The following ADGRL3 variants were observed in gnomAD, a reference collection of about 807,000 sequenced individuals.
The protein encoded by ADGRL3 is adhesion G protein-coupled receptor L3.
A neutral mutation model predicts 153.5 loss-of-function variants in ADGRL3; 62 were observed. That is an observed-to-expected ratio of 0.40 (90% confidence interval 0.33 to 0.50). The LOEUF (loss-of-function observed/expected upper bound fraction) is 0.50. Ranked by LOEUF, ADGRL3 falls within the 20% of genes least tolerant of loss-of-function variation. ADGRL3 has a pLI of 0.47. For synonymous variants in ADGRL3, 710 were observed against 672.5 expected (o/e 1.06, Z -0.86); for missense variants, 1,641 against 1,859.4 (o/e 0.88, Z 2.16).
At chr4:61,402,933 T>A (rs1425107198) in intron 2 of ADGRL3, among the ~76,000 whole-genome samples, 2 of 152,146 alleles carry the variant, frequency 1.3e-5, no homozygotes, top group African/African-American at 4.8e-5. Context: ...AACGGTAGTT[T>A]ATTTTCCTAC....
intron 4 of ADGRL3, among the ~76,000 whole-genome samples, chr4:61,552,236 C>T (rs1258058636): frequency 6.6e-6 from 1 of 152,100 alleles, no homozygotes; most frequent in East Asian, 1.9e-4. Context: ...CAGGCACTGT[C>T]TCAGCATTTA....
chr4:61,518,541 C>G (rs750340128), intron 4 of ADGRL3, among the ~76,000 whole-genome samples: 10 of 152,170 alleles, frequency 6.6e-5, no homozygotes, highest in Non-Finnish European at 8.8e-5. Context: ...ATCATTAATC[C>G]ATTTGAGATT....
chr4:61,946,928 G>T lies in ADGRL3; in HGVS notation c.2434G>T (p.Ala812Ser). 6.2e-7 allele frequency: 1 copy of T among 1,613,632 alleles called. No homozygotes were observed. The stretch of plus-strand genomic sequence containing the variant: ...ATTTACTTTAGGAGAGATCAGAGTG[G>T]CCTTTGTCCTGTATAACAACTTGGG... ...QNGRNGEIRV[A>S]FVLYNNLGPY... is the part of the protein sequence containing the mutation. The change falls in exon 16 of 27, where the codon GCC becomes TCC. Residue 812 changes from alanine to serine, a missense_variant. Ala to Ser is a moderately conservative substitution (Grantham distance 99). Coordinates refer to ENST00000683033, the MANE Select transcript of ADGRL3 (RefSeq NM_001387552.1).
At chr4:61,429,534 C>T (rs919201018) in intron 2 of ADGRL3, among the ~76,000 whole-genome samples, 2 of 152,062 alleles carry the variant, frequency 1.3e-5, no homozygotes, top group Non-Finnish European at 2.9e-5. Context: ...AATTAACCCC[C>T]CACTTCTGTA....
Position 61,657,130 on chromosome 4 carries a change from G to T in ADGRL3, c.474-19696G>T, listed in dbSNP as rs368787329. 2.0e-5 allele frequency among the ~76,000 whole-genome samples: 3 copies of T among 152,218 alleles called. No individual in the cohort carries two copies. The South Asian group carries it at 6.2e-4, about 32-fold the overall frequency. On this transcript the variant is annotated intron_variant, in intron 5 of 26. Coordinates refer to ENST00000683033, the MANE Select transcript of ADGRL3 (RefSeq NM_001387552.1). ...GTGTTTTTCCCCTCTCTGCTCTTGTGATTGTACTTCACTCTTAGAGTTCTC... is the reference window on the plus strand; with the variant it reads ...GTGTTTTTCCCCTCTCTGCTCTTGTTATTGTACTTCACTCTTAGAGTTCTC...
chr4:61,677,145 T>A, intron 6 of ADGRL3: 1 of 494,844 alleles, frequency 2.0e-6, no homozygotes, highest in Non-Finnish European at 3.6e-6. Context: ...TTGTGATTAT[T>A]TCTGTATATG....
At chr4:62,016,693 A>T (rs1372097956) in intron 21 of ADGRL3, among the ~76,000 whole-genome samples, 1 of 152,152 alleles carries the variant, frequency 6.6e-6, no homozygotes, top group Non-Finnish European at 1.5e-5. Flanking sequence ...TTCTTCACAT[A>T]AATTTCAGAA....
intron 1 of ADGRL3, among the ~76,000 whole-genome samples, chr4:61,327,218 A>C (rs889610908): frequency 6.6e-6 from 1 of 151,928 alleles, no homozygotes; most frequent in Non-Finnish European, 1.5e-5. Flanking sequence ...TGTTAAATGT[A>C]TTCTTAGAGC....
At chr4:61,927,357 CT>C (rs377282023) in intron 13 of ADGRL3, among the ~76,000 whole-genome samples, 230 of 145,144 alleles carry the variant, frequency 1.6e-3, no homozygotes, top group African/African-American at 3.7e-3. Context: ...AAAGACAATG[CT>C]TTTTTTTAAA....
At position 61,720,824 on chromosome 4, in the gene ADGRL3, C is replaced by A. The variant is rs539276383; in HGVS notation, c.584-9798C>A. 3.3e-5 allele frequency among the ~76,000 whole-genome samples: 5 copies of A among 152,260 alleles called. No homozygotes were observed. The South Asian group carries it at 1.0e-3, about 32-fold the overall frequency. ...GCAGTTAATAAATATGAGTTGTTCT[C>A]ATAATTATCATAATCCTTATGTTCT... On this transcript the variant is annotated intron_variant, in intron 6 of 26. Coordinates refer to ENST00000683033, the MANE Select transcript of ADGRL3 (RefSeq NM_001387552.1).
chr4:61,238,050 A>G (rs1352893604), intron 1 of ADGRL3, among the ~76,000 whole-genome samples: 1 of 152,160 alleles, frequency 6.6e-6, no homozygotes, highest in Non-Finnish European at 1.5e-5. Flanking sequence ...TTTCAAACTG[A>G]TTAATGTCTT....
At chr4:61,305,774 CT>C (rs2094758547) in intron 1 of ADGRL3, among the ~76,000 whole-genome samples, 2 of 152,072 alleles carry the variant, frequency 1.3e-5, no homozygotes. Context: ...CATAAATCCA[CT>C]TCTCCACTCA....
At chr4:61,432,650 C>CTT (rs1318009683) in intron 2 of ADGRL3, among the ~76,000 whole-genome samples, 9 of 38,872 alleles carry the variant, frequency 2.3e-4, no homozygotes, top group Non-Finnish European at 3.8e-4. Flanking sequence ...TTCTTTCTTT[C>CTT]TTTCTTTTTT....
chr4:61,766,930 G>A (rs2152269040), intron 8 of ADGRL3, among the ~76,000 whole-genome samples: 1 of 152,198 alleles, frequency 6.6e-6, no homozygotes, highest in South Asian at 2.1e-4. Context: ...CTGGTTTTAG[G>A]ACAGGTAAAA....
intron 2 of ADGRL3, among the ~76,000 whole-genome samples, chr4:61,410,246 T>G (rs1408601550): frequency 6.6e-6 from 1 of 152,158 alleles, no homozygotes; most frequent in East Asian, 1.9e-4. Flanking sequence ...ACAGGATTTT[T>G]TCTTTCTTTT....
At chr4:61,724,092 C>T (rs1035263977) in intron 6 of ADGRL3, among the ~76,000 whole-genome samples, 4 of 152,126 alleles carry the variant, frequency 2.6e-5, no homozygotes, top group Non-Finnish European at 5.9e-5. Flanking sequence ...TATATAAACA[C>T]GCATATTTAG....
At chr4:61,355,651 C>T (rs796347336) in intron 1 of ADGRL3, among the ~76,000 whole-genome samples, 10 of 152,034 alleles carry the variant, frequency 6.6e-5, no homozygotes, top group African/African-American at 2.4e-4. Flanking sequence ...ACAAAATACA[C>T]CTTGGCAGTT....
intron 8 of ADGRL3, among the ~76,000 whole-genome samples, chr4:61,773,459 A>G (rs2097109292): frequency 6.6e-6 from 1 of 152,212 alleles, no homozygotes. Flanking sequence ...TTTTATTCCT[A>G]TAATTCTTTC....
chr4:62,002,383 G>T (rs1350654906), intron 21 of ADGRL3, among the ~76,000 whole-genome samples: 2 of 149,064 alleles, frequency 1.3e-5, no homozygotes, highest in Non-Finnish European at 1.5e-5. Flanking sequence ...TTTCCCTAAC[G>T]CTATGACTGG....
Sources: gnomAD v4.1 joint callset for allele counts (sites outside exome capture counted in the v4.1 genomes callset) on GRCh38, gnomAD v4.1.1 for gene constraint, MANE v1.5 for transcripts, NCBI Gene and HGNC (gene_info 2026-07-23, HGNC 2026-07-21) for gene names.